The following FAM228B variants were observed in gnomAD, a reference collection of about 807,000 sequenced individuals.
FAM228B encodes protein FAM228B.
In FAM228B, 38 loss-of-function variants were observed where a neutral mutation model predicts 42.6. That is an observed-to-expected ratio of 0.89 (90% CI 0.69 to 1.17). FAM228B has a LOEUF of 1.17. FAM228B is among the 50% of genes most tolerant of loss of function. The pLI is 0.00. For synonymous variants in FAM228B, 109 were observed against 122.3 expected (o/e 0.89, Z 0.72); for missense variants, 344 against 367.3 (o/e 0.94, Z 0.52).
intron 10 of FAM228B, among the ~76,000 whole-genome samples, chr2:24,168,249 G>A (rs1667476343): frequency 6.6e-6 from 1 of 152,204 alleles, no homozygotes. Context: ...ATCACCTGGG[G>A]GTGAGTGTCA....
chr2:24,080,910 C>T lies in FAM228B; in HGVS notation c.-255C>T. ...CAAGCTTTTCTGCCATTTGAAGCTT[C>T]TTCTGGGAGCCAGCTGTGACCAGAG... On this transcript the variant is annotated 5_prime_UTR_variant, in exon 2 of 11. Coordinates refer to the FAM228B transcript ENST00000613899. The surrounding 1 kb of genome is among the most constrained non-coding windows in gnomAD (Gnocchi z 4.7). 1.2e-6 allele frequency: 2 copies of T among 1,614,200 alleles called. No homozygotes were observed. The highest frequency in any genetic ancestry group is 1.7e-6 in the Non-Finnish European group (2 of 1,180,036).
Position 24,084,171 on chromosome 2 carries a change from C to T in FAM228B, c.-210+3216C>T. 1.2e-6 allele frequency: 2 copies of T among 1,600,674 alleles called. No homozygotes were observed. The highest frequency in any genetic ancestry group is 1.7e-6 in the Non-Finnish European group (2 of 1,174,648). The stretch of plus-strand genomic sequence containing the variant: ...CTCTGGAGTCCCGCCCGCCCCGGCG[C>T]GGCTGAGCCCTGGGTACCTGCATTA... On this transcript the variant is annotated intron_variant, in intron 2 of 10. Coordinates refer to the FAM228B transcript ENST00000613899. The surrounding 1 kb of genome is among the most constrained non-coding windows in gnomAD (Gnocchi z 8.4).
intron 3 of FAM228B, among the ~76,000 whole-genome samples, chr2:24,114,478 C>T (rs1042134107): frequency 5.9e-5 from 9 of 152,008 alleles, no homozygotes; most frequent in South Asian, 2.1e-4. Flanking sequence ...TAAAGAGAAC[C>T]ATTATATCCT....
intron 3 of FAM228B, among the ~76,000 whole-genome samples, chr2:24,136,720 T>G (rs892412772): frequency 6.6e-6 from 1 of 152,206 alleles, no homozygotes; most frequent in Non-Finnish European, 1.5e-5. Context: ...AGTCTTGGCT[T>G]TGAAAAAAAA....
At chr2:24,156,276 C>T (rs1288576813) in intron 7 of FAM228B, among the ~76,000 whole-genome samples, 1 of 152,158 alleles carries the variant, frequency 6.6e-6, no homozygotes, top group African/African-American at 2.4e-5. Flanking sequence ...CTTTATTGCT[C>T]ATTATCCCTT....
chr2:24,088,487 A>T (rs934702044), intron 2 of FAM228B, among the ~76,000 whole-genome samples: 1 of 151,998 alleles, frequency 6.6e-6, no homozygotes, highest in African/African-American at 2.4e-5. Context: ...AGTAGCTGGG[A>T]TTACAGGCAT....
At chr2:24,138,241 A>G in intron 4 of FAM228B, 141 bp downstream of exon 4, 1 of 606,122 alleles carries the variant, frequency 1.6e-6, no homozygotes, top group Non-Finnish European at 2.8e-6. Context: ...AGCATAAAGT[A>G]TTCTTAAACC....
At chr2:24,113,294 C>T (rs1334041722) in intron 3 of FAM228B, among the ~76,000 whole-genome samples, 1 of 152,094 alleles carries the variant, frequency 6.6e-6, no homozygotes, top group Non-Finnish European at 1.5e-5. Flanking sequence ...AATCAAAGGC[C>T]AGATGCAGTG....
At chr2:24,151,737 C>T (rs1667028595) in intron 7 of FAM228B, among the ~76,000 whole-genome samples, 1 of 151,380 alleles carries the variant, frequency 6.6e-6, no homozygotes, top group South Asian at 2.1e-4. Flanking sequence ...GGCTGCAGTG[C>T]AGTGGTGCAA....
In FAM228B at chr2:24,146,747, G is replaced by A; in HGVS notation, c.442-1G>A. The A allele has an allele frequency of 1.3e-6, 2 of 1,546,046 alleles. No individual in the cohort carries two copies. Among genetic ancestry groups the A allele is most frequent in the Non-Finnish European group, 1.7e-6 (2 of 1,143,884 alleles). ...TGCTTAAACAAGTGCCTCTCTTGTA[G>A]GTTACCATCCCACCATTTCATGACC... is the stretch of plus-strand genomic sequence containing the variant. On this transcript the variant is annotated splice_acceptor_variant, in intron 5 of 10. Transcript: ENST00000615575. LOFTEE classifies it high-confidence loss of function.
chr2:24,085,045 G>A (rs1665198783), intron 2 of FAM228B: 1 of 152,238 alleles, frequency 6.6e-6, no homozygotes, highest in African/African-American at 2.4e-5. Context: ...TTCAAGGAGA[G>A]GAAACTTCCT....
chr2:24,090,225 G>A (rs1241006679), intron 2 of FAM228B, among the ~76,000 whole-genome samples: 1 of 152,076 alleles, frequency 6.6e-6, no homozygotes, highest in East Asian at 1.9e-4. Flanking sequence ...CCGAGATTGC[G>A]CCACTGCACT....
intron 2 of FAM228B, among the ~76,000 whole-genome samples, chr2:24,094,859 G>A (rs962796837): frequency 1.2e-4 from 18 of 152,266 alleles, no homozygotes; most frequent in East Asian, 5.8e-4. Flanking sequence ...TTAGGAGGCC[G>A]AGGTGCGCAG....
chr2:24,107,073 G>T (rs1665714602), intron 3 of FAM228B, among the ~76,000 whole-genome samples: 1 of 152,132 alleles, frequency 6.6e-6, no homozygotes, highest in South Asian at 2.1e-4. Context: ...AAAATAAAAG[G>T]ATGGAGAAAA....
At chr2:24,081,895 C>T (rs1379441647) in intron 2 of FAM228B, among the ~76,000 whole-genome samples, 6 of 152,038 alleles carry the variant, frequency 3.9e-5, no homozygotes, top group African/African-American at 1.2e-4. Context: ...TGAAGTTTCA[C>T]CGTGTTAGCC....
intron 7 of FAM228B, among the ~76,000 whole-genome samples, chr2:24,153,896 C>A (rs1004887887): frequency 4.6e-5 from 7 of 152,190 alleles, no homozygotes; most frequent in African/African-American, 1.7e-4. Flanking sequence ...TGGGCACTTT[C>A]CCTCTGGCTA....
intron 3 of FAM228B, among the ~76,000 whole-genome samples, chr2:24,137,468 A>T (rs901677036): frequency 6.6e-6 from 1 of 152,132 alleles, no homozygotes; most frequent in African/African-American, 2.4e-5. Flanking sequence ...ATCTTGCTAT[A>T]TTCCCCCTCC....
intron 2 of FAM228B, among the ~76,000 whole-genome samples, chr2:24,081,706 T>C (rs78580175): frequency 7.1e-6 from 1 of 141,522 alleles, no homozygotes; most frequent in African/African-American, 2.6e-5. Flanking sequence ...TTTTTTTTTT[T>C]GAGACGGAGT....
chr2:24,167,848 T>C (rs1450846819), intron 10 of FAM228B, 165 bp downstream of exon 10: 9 of 763,402 alleles, frequency 1.2e-5, no homozygotes, highest in East Asian at 3.0e-5. Flanking sequence ...TCTATTTCAG[T>C]GTAAGGCATT....
Sources: gnomAD v4.1 joint callset for allele counts (sites outside exome capture counted in the v4.1 genomes callset) on GRCh38, gnomAD v4.1.1 for gene constraint, Gnocchi (gnomAD v3.1) non-coding constraint, MANE v1.5 for transcripts, NCBI Gene and HGNC (gene_info 2026-07-23, HGNC 2026-07-21) for gene names.